The following MDFIC2 variants were observed in gnomAD, a reference collection of about 807,000 sequenced individuals.
The protein encoded by MDFIC2 is myoD family inhibitor domain-containing protein 2.
chr3:70,292,791 G>T (rs970041279), intron 2 of MDFIC2, among the ~76,000 whole-genome samples: 5 of 151,820 alleles, frequency 3.3e-5, no homozygotes, highest in African/African-American at 1.2e-4. Flanking sequence ...TCTTTTCGTG[G>T]TTACACAATG....
chr3:70,257,860 CT>C (rs1303279002), intron 2 of MDFIC2, among the ~76,000 whole-genome samples: 1 of 152,116 alleles, frequency 6.6e-6, no homozygotes, highest in African/African-American at 2.4e-5. Flanking sequence ...AAGGCTTTTA[CT>C]ATTTGATTTC....
chr3:70,229,852 T>C lies in MDFIC2; in HGVS notation c.89-23062A>G, dbSNP rs1027623563. ...GGAGGTCAATATTTGAAACAGCTAC[T>C]GTCAATCAGCCTAGCTAATAACATG... On this transcript the variant is annotated intron_variant, in intron 2 of 3. Coordinates refer to ENST00000567252, the MANE Select transcript of MDFIC2 (RefSeq NM_001364677.1). 6.6e-5 allele frequency among the ~76,000 whole-genome samples: 10 copies of C among 152,300 alleles called. No homozygotes were observed. The East Asian group carries it at 1.5e-3, about 24-fold the overall frequency.
At chr3:70,222,582 G>T (rs2106737866) in intron 2 of MDFIC2, among the ~76,000 whole-genome samples, 1 of 152,174 alleles carries the variant, frequency 6.6e-6, no homozygotes, top group East Asian at 1.9e-4. Context: ...GACTCAAAAG[G>T]GTTGAAAACA....
At chr3:70,267,575 TG>T (rs1461854147) in intron 2 of MDFIC2, among the ~76,000 whole-genome samples, 6 of 88,614 alleles carry the variant, frequency 6.8e-5, no homozygotes, top group Non-Finnish European at 1.4e-4. Context: ...GCTAATTTTT[TG>T]TATTTTTTTT....
intron 2 of MDFIC2, among the ~76,000 whole-genome samples, chr3:70,223,748 G>A: frequency 6.6e-6 from 1 of 152,148 alleles, no homozygotes; most frequent in East Asian, 1.9e-4. Flanking sequence ...CAAGCTGGTT[G>A]CATGCAATCA....
At chr3:70,247,101 G>A (rs1396362722) in intron 2 of MDFIC2, among the ~76,000 whole-genome samples, 2 of 151,808 alleles carry the variant, frequency 1.3e-5, no homozygotes, top group East Asian at 1.9e-4. Flanking sequence ...CCAAGCGCAT[G>A]GTAGAAGATC....
At position 70,290,785 on chromosome 3, in the gene MDFIC2, G is replaced by A. The variant is rs556238581; in HGVS notation, c.88+21101C>T. ...TGGTGCGCCGTTTTTTAAGCTTGTC[G>A]GAAAAGCGCAGTATTCGGGTGGGAG... On this transcript the variant is annotated intron_variant, in intron 2 of 3. Transcript: ENST00000567252. Among the ~76,000 whole-genome samples, 6 of 152,300 alleles carry A rather than the reference G, an allele frequency of 3.9e-5. 1 individual carries two copies. The highest frequency in any genetic ancestry group is 4.2e-4 in the South Asian group (2 of 4,818).
intron 2 of MDFIC2, among the ~76,000 whole-genome samples, chr3:70,308,019 G>GT (rs970941880): frequency 5.3e-5 from 8 of 152,052 alleles, no homozygotes; most frequent in Admixed American, 6.6e-5. Context: ...TTGGCCCACA[G>GT]TTTGCATAAT....
chr3:70,299,930 C>G (rs1702331067), intron 2 of MDFIC2, among the ~76,000 whole-genome samples: 1 of 152,076 alleles, frequency 6.6e-6, no homozygotes, highest in African/African-American at 2.4e-5. Context: ...CCCACACACG[C>G]CCTTTCTCCA....
intron 2 of MDFIC2, among the ~76,000 whole-genome samples, chr3:70,235,550 A>G (rs1021009987): frequency 3.3e-5 from 5 of 152,208 alleles, no homozygotes; most frequent in Admixed American, 2.6e-4. Flanking sequence ...ATCAGTTTCC[A>G]TCCTTGACAC....
chr3:70,227,753 G>A (rs1701521933), intron 2 of MDFIC2, among the ~76,000 whole-genome samples: 2 of 152,150 alleles, frequency 1.3e-5, no homozygotes, highest in East Asian at 1.9e-4. Flanking sequence ...AACTCCGTGG[G>A]ATAAGCACTA....
At chr3:70,292,119 T>C (rs1559555957) in intron 2 of MDFIC2, 1 of 152,196 alleles carries the variant, frequency 6.6e-6, no homozygotes, top group Non-Finnish European at 1.5e-5. Flanking sequence ...GTTGTACTGG[T>C]AGCTCTGCAT....
chr3:70,196,703 A>T lies in MDFIC2; in HGVS notation c.*223T>A, dbSNP rs910102086. Among the ~76,000 whole-genome samples, 2 of 152,330 alleles carry T rather than the reference A, an allele frequency of 1.3e-5. No homozygotes were observed. Among genetic ancestry groups the T allele is most frequent in the Admixed American group, 1.3e-4 (2 of 15,302 alleles). ...ATTTAAGATTTGTTCATCACATGTG[A>T]TCAAGAATCTTATTTTTCAGTGAGC... is the stretch of plus-strand genomic sequence containing the variant. On this transcript the variant is annotated 3_prime_UTR_variant, in exon 4 of 4. Coordinates refer to ENST00000567252, the MANE Select transcript of MDFIC2 (RefSeq NM_001364677.1).
intron 2 of MDFIC2, among the ~76,000 whole-genome samples, chr3:70,227,871 AG>A (rs1171011055): frequency 1.3e-5 from 2 of 152,186 alleles, no homozygotes; most frequent in African/African-American, 4.8e-5. Context: ...ATTTGAATAC[AG>A]GAAGTCTGGT....
At chr3:70,264,422 T>G (rs567494748) in intron 2 of MDFIC2, among the ~76,000 whole-genome samples, 1 of 152,348 alleles carries the variant, frequency 6.6e-6, no homozygotes, top group African/African-American at 2.4e-5. Flanking sequence ...AATGACTGTC[T>G]AAGAACTGAA....
chr3:70,209,434 G>A (rs767941803), intron 2 of MDFIC2, among the ~76,000 whole-genome samples: 6 of 151,928 alleles, frequency 3.9e-5, no homozygotes, highest in Non-Finnish European at 5.9e-5. Context: ...CTATGTTACC[G>A]CTTATATACC....
intron 3 of MDFIC2, chr3:70,205,193 C>G (rs1380997221): frequency 6.6e-6 from 1 of 152,096 alleles, no homozygotes; most frequent in South Asian, 2.1e-4. Context: ...TCTGGATTTT[C>G]TTGGAAAACT....
At chr3:70,254,151 A>AT (rs1191415846) in intron 2 of MDFIC2, among the ~76,000 whole-genome samples, 1 of 5,426 alleles carries the variant, frequency 1.8e-4, no homozygotes, top group African/African-American at 2.4e-4. Context: ...TTCCAATTAC[A>AT]CAAAAAAAAT....
rs543500221 is a variant in MDFIC2, at chr3:70,256,657, C to T, written c.89-49867G>A. The stretch of plus-strand genomic sequence containing the variant: ...AAGGAAATCCTCAAGCCATGAGATG[C>T]GTCCCTCCTTCCCTCCTTTTCTAGC... On this transcript the variant is annotated intron_variant, in intron 2 of 3. Coordinates refer to ENST00000567252, the MANE Select transcript of MDFIC2 (RefSeq NM_001364677.1). Among the ~76,000 whole-genome samples, 36 of 152,270 alleles carry T rather than the reference C, an allele frequency of 2.4e-4. 1 individual carries two copies. Among genetic ancestry groups the T allele is most frequent in the Middle Eastern group, 3.4e-3 (1 of 294 alleles).
Sources: allele counts gnomAD v4.1 joint callset (sites outside exome capture counted in the v4.1 genomes callset), GRCh38; gene constraint gnomAD v4.1.1; transcripts MANE v1.5; gene names NCBI Gene and HGNC (gene_info 2026-07-23, HGNC 2026-07-21).